Variants in RGS5 observed in about 807,000 individuals in gnomAD.
RGS5 encodes the protein regulator of G-protein signalling 5.
RGS5 carries 20 observed loss-of-function variants against 18.9 expected under a neutral mutation model. That is an observed-to-expected ratio of 1.06 (90% CI 0.74 to 1.54). The LOEUF (loss-of-function observed/expected upper bound fraction) is 1.54, where lower values mean the gene tolerates loss of function less well. Ranked by LOEUF, RGS5 falls within the 40% of genes most tolerant of loss-of-function variation. The probability of loss-of-function intolerance (pLI) is 0.00; values close to 1 mark genes in which losing one functional copy is unlikely to be tolerated. For missense variants in RGS5, 201 were observed against 211.8 expected (o/e 0.95, Z 0.32); for synonymous variants, 57 against 76.2 (o/e 0.75, Z 1.31).
chr1:163,291,009 A>G (rs1457547657), intron 2 of RGS5, among the ~76,000 whole-genome samples: 2 of 152,136 alleles, frequency 1.3e-5, no homozygotes, highest in East Asian at 3.9e-4. Context: ...TACTACATAG[A>G]CTTTACTGGT....
intron 2 of RGS5, chr1:163,238,649 ATT>A: frequency 3.7e-6 from 1 of 268,286 alleles, no homozygotes; most frequent in Admixed American, 4.2e-5. Context: ...AGGAATGAGG[ATT>A]TGGGTGGAAC....
chr1:163,223,257 T>C (rs951613039), intron 2 of RGS5, among the ~76,000 whole-genome samples: 3 of 152,184 alleles, frequency 2.0e-5, no homozygotes, highest in African/African-American at 7.2e-5. Flanking sequence ...CACCTTGTCA[T>C]ATGTGATAAA....
chr1:163,149,329 G>A (rs886907991), intron 4 of RGS5, among the ~76,000 whole-genome samples: 3 of 152,262 alleles, frequency 2.0e-5, no homozygotes, highest in Non-Finnish European at 2.9e-5. Context: ...CACACTGAAA[G>A]CAATGCTTCT....
At chr1:163,311,964 G>C (rs766004397) in intron 1 of RGS5, among the ~76,000 whole-genome samples, 3 of 152,156 alleles carry the variant, frequency 2.0e-5, no homozygotes, top group Non-Finnish European at 2.9e-5. Context: ...AACAAGATAT[G>C]TGAAGTGCAA....
chr1:163,188,700 C>G (rs1659201102), intron 1 of RGS5, among the ~76,000 whole-genome samples: 1 of 152,156 alleles, frequency 6.6e-6, no homozygotes, highest in African/African-American at 2.4e-5. Flanking sequence ...TGGCTCACGC[C>G]TGTAATCCCA....
upstream of RGS5, among the ~76,000 whole-genome samples, chr1:163,221,030 T>A (rs985923601): frequency 6.6e-6 from 1 of 152,210 alleles, no homozygotes; most frequent in African/African-American, 2.4e-5. Flanking sequence ...TTTGTGGTAA[T>A]TTGTTATAGC....
At chr1:163,230,474 G>C (rs1204687897) in intron 2 of RGS5, among the ~76,000 whole-genome samples, 4 of 150,104 alleles carry the variant, frequency 2.7e-5, no homozygotes, top group Admixed American at 2.0e-4. Context: ...AAGATACTAA[G>C]CTTTTGGTGG....
At chr1:163,247,406 G>C (rs572431266) in intron 2 of RGS5, among the ~76,000 whole-genome samples, 4 of 151,820 alleles carry the variant, frequency 2.6e-5, no homozygotes, top group Non-Finnish European at 5.9e-5. Flanking sequence ...CTGTGACAGG[G>C]GTAACCTGCT....
intron 1 of RGS5, among the ~76,000 whole-genome samples, chr1:163,199,314 T>C (rs999334828): frequency 6.6e-6 from 1 of 152,166 alleles, no homozygotes; most frequent in Non-Finnish European, 1.5e-5. Context: ...AAAATTTCAA[T>C]AAGCAATAGT....
intron 1 of RGS5, among the ~76,000 whole-genome samples, chr1:163,214,778 T>G (rs1660179884): frequency 6.6e-6 from 1 of 152,214 alleles, no homozygotes; most frequent in Admixed American, 6.5e-5. Context: ...GAATTGAGCT[T>G]TAAAAAGTGT....
chr1:163,265,694 C>T (rs1044540913), intron 2 of RGS5, among the ~76,000 whole-genome samples: 3 of 152,114 alleles, frequency 2.0e-5, no homozygotes, highest in Non-Finnish European at 4.4e-5. Flanking sequence ...CCTTTGGAAA[C>T]TGTGACTCAT....
intron 4 of RGS5, 128 bp from the exon 5 acceptor site, chr1:163,147,631 T>C (rs1368216788): frequency 3.5e-6 from 3 of 847,014 alleles, no homozygotes; most frequent in Non-Finnish European, 3.5e-6. Flanking sequence ...AACTGAGACA[T>C]GTCACTTCTC....
chr1:163,285,148 A>G (rs1649110642), intron 2 of RGS5, among the ~76,000 whole-genome samples: 1 of 152,220 alleles, frequency 6.6e-6, no homozygotes, highest in Non-Finnish European at 1.5e-5. Flanking sequence ...CATGGGAATT[A>G]TGAGAATTAC....
chr1:163,171,130 C>T (rs1255516029), intron 1 of RGS5, among the ~76,000 whole-genome samples: 2 of 152,118 alleles, frequency 1.3e-5, no homozygotes, highest in Non-Finnish European at 2.9e-5. Context: ...ACAAAAAATT[C>T]CCCGCAAGTT....
intron 2 of RGS5, among the ~76,000 whole-genome samples, chr1:163,282,789 ATCCAAAG>A (rs1649031012): frequency 2.0e-5 from 3 of 152,306 alleles, no homozygotes; most frequent in Admixed American, 2.0e-4. Flanking sequence ...CTGGGTACAT[ATCCAAAG>A]GAAAGGAAAT....
At chr1:163,161,327 G>T (rs1250735648) in intron 3 of RGS5, among the ~76,000 whole-genome samples, 1 of 152,164 alleles carries the variant, frequency 6.6e-6, no homozygotes, top group African/African-American at 2.4e-5. Context: ...AATGCACCTA[G>T]TGCTTATTGA....
intron 2 of RGS5, among the ~76,000 whole-genome samples, chr1:163,236,102 A>G (rs1182376248): frequency 2.6e-5 from 4 of 152,222 alleles, no homozygotes; most frequent in Non-Finnish European, 5.9e-5. Flanking sequence ...CCAATCTAGC[A>G]TAATTGGGGC....
chr1:163,274,786 A>G (rs1383350984), intron 2 of RGS5, among the ~76,000 whole-genome samples: 1 of 152,182 alleles, frequency 6.6e-6, no homozygotes, highest in African/African-American at 2.4e-5. Flanking sequence ...TTAGTGTTAA[A>G]AAACACCTCA....
chr1:163,156,852 A>G (rs767550540), intron 3 of RGS5, among the ~76,000 whole-genome samples: 11 of 152,200 alleles, frequency 7.2e-5, no homozygotes, highest in Non-Finnish European at 1.6e-4. Context: ...AATTATTGCA[A>G]TCATTAAATT....
Sources: gnomAD v4.1 joint callset for allele counts (sites outside exome capture counted in the v4.1 genomes callset) on GRCh38, gnomAD v4.1.1 for gene constraint, MANE v1.5 for transcripts, NCBI Gene and HGNC (gene_info 2026-07-23, HGNC 2026-07-21) for gene names.